The following SAMD12 variants were observed in gnomAD, a reference collection of about 807,000 sequenced individuals.
SAMD12 encodes the protein sterile alpha motif domain containing 12, also known as sterile alpha motif domain-containing protein 12.
In SAMD12, 9 loss-of-function variants were observed where a neutral mutation model predicts 15.0. The observed-to-expected ratio is 0.60, with a 90% CI of 0.36 to 1.05. SAMD12 has a LOEUF of 1.05. Among genes scored for constraint, SAMD12 ranks in the 50% least tolerant of loss-of-function variants. The pLI, the probability that SAMD12 is intolerant of heterozygous loss-of-function variation, is 0.01. For missense variants in SAMD12, 230 were observed against 234.2 expected, an observed-to-expected ratio of 0.98 and a Z score of 0.12; for synonymous variants, 86 against 90.1, an observed-to-expected ratio of 0.96 and a Z score of 0.25.
In SAMD12 at chr8:118,257,086, T is replaced by A. The variant is rs182451232; in HGVS notation, c.434-59354A>T. ...GTAGGCATACCAGACCCTGCAGGCA[T>A]CCAATTAGAAAAGACATTCAGAACC... On this transcript the variant is annotated intron_variant, in intron 4 of 4. Transcript: ENST00000409003. Among the ~76,000 whole-genome samples the A allele has an allele frequency of 5.9e-5, 9 of 152,172 alleles. No homozygotes were observed. The East Asian group carries it at 1.7e-3, about 29-fold the overall frequency.
intron 4 of SAMD12, among the ~76,000 whole-genome samples, chr8:118,272,813 AT>A (rs1217669558): frequency 4.6e-5 from 7 of 152,148 alleles, no homozygotes; most frequent in Non-Finnish European, 2.9e-5. Flanking sequence ...CATTGTCCAT[AT>A]CACTATTAGC....
intron 2 of SAMD12, among the ~76,000 whole-genome samples, chr8:118,509,387 G>A (rs1306690141): frequency 2.0e-5 from 3 of 152,124 alleles, no homozygotes; most frequent in Non-Finnish European, 4.4e-5. Flanking sequence ...AAACTGGGGC[G>A]GGCCTGACTG....
intron 2 of SAMD12, among the ~76,000 whole-genome samples, chr8:118,447,256 C>T (rs764461780): frequency 6.6e-6 from 1 of 152,062 alleles, no homozygotes; most frequent in Non-Finnish European, 1.5e-5. Flanking sequence ...ACTAATACAA[C>T]AAACAGGTCA....
At chr8:118,141,479 A>C in the SAMD12 span, among the ~76,000 whole-genome samples, 1 of 152,196 alleles carries the variant, frequency 6.6e-6, no homozygotes, top group African/African-American at 2.4e-5. Flanking sequence ...TTGCTGATAA[A>C]TAACAGAATC....
intron 4 of SAMD12, chr8:118,284,937 GT>G (rs1180104395): frequency 2.9e-5 from 3 of 104,486 alleles, no homozygotes; most frequent in Non-Finnish European, 5.3e-5. Context: ...GCAAGACTCC[GT>G]CTCAAAAAAA....
At chr8:118,212,905 G>A (rs553856354) in intron 4 of SAMD12, among the ~76,000 whole-genome samples, 1 of 152,242 alleles carries the variant, frequency 6.6e-6, no homozygotes, top group African/African-American at 2.4e-5. Flanking sequence ...TTGGATCTCA[G>A]ATGCAATGAA....
At chr8:118,399,872 A>C (rs781308943) in intron 3 of SAMD12, among the ~76,000 whole-genome samples, 5 of 152,180 alleles carry the variant, frequency 3.3e-5, no homozygotes, top group African/African-American at 4.8e-5. Context: ...TGGCTTCACT[A>C]TACCCTTTAG....
chr8:118,365,632 G>A (rs181724958), intron 4 of SAMD12, among the ~76,000 whole-genome samples: 8 of 151,972 alleles, frequency 5.3e-5, no homozygotes, highest in East Asian at 1.9e-4. Context: ...CGGTTCTTCC[G>A]CTTGTAGATG....
chr8:118,550,072 A>C (rs561458714), intron 2 of SAMD12, among the ~76,000 whole-genome samples: 3 of 152,224 alleles, frequency 2.0e-5, no homozygotes, highest in South Asian at 2.1e-4. Flanking sequence ...TGAAAGTGAC[A>C]GGGAGAATGG....
At chr8:118,137,042 CAG>C in the SAMD12 span, among the ~76,000 whole-genome samples, 1 of 152,168 alleles carries the variant, frequency 6.6e-6, no homozygotes, top group South Asian at 2.1e-4. Context: ...GCAACAAAAG[CAG>C]AGAGTCATTG....
the SAMD12 span, among the ~76,000 whole-genome samples, chr8:118,145,758 C>T: frequency 6.6e-6 from 1 of 152,176 alleles, no homozygotes; most frequent in African/African-American, 2.4e-5. Context: ...CCTCAGACTA[C>T]AATGCAGATC....
chr8:118,237,004 C>A (rs1812451109), intron 4 of SAMD12, among the ~76,000 whole-genome samples: 1 of 152,172 alleles, frequency 6.6e-6, no homozygotes, highest in Non-Finnish European at 1.5e-5. Context: ...TAATAGCAGC[C>A]AGTTCTTTGA....
rs776021549 is a variant in SAMD12, at chr8:118,379,264, T to C, written c.*153A>G. 8.8e-5 allele frequency: 126 copies of C among 1,434,200 alleles called. No individual in the cohort carries two copies. The highest frequency in any genetic ancestry group is 1.1e-4 in the Non-Finnish European group (121 of 1,096,728). 88.8% of individuals were successfully genotyped at this position (1,434,200 alleles called of 1,614,324 possible). A position where few individuals can be genotyped will look rare whatever the true frequency, so the allele number is the denominator to read the frequency against. On this transcript the variant is annotated 3_prime_UTR_variant, in exon 4 of 4. Coordinates refer to ENST00000314727, the MANE Select transcript of SAMD12 (RefSeq NM_207506.3). Reference sequence around the variant, plus strand: ...GCAATCGTACCCTGATTGATGTGACTGGTATTCTCTGGGGTTGTGCAGTAC... The same window carrying C: ...GCAATCGTACCCTGATTGATGTGACCGGTATTCTCTGGGGTTGTGCAGTAC...
chr8:118,487,984 A>G (rs1824335181), intron 2 of SAMD12, among the ~76,000 whole-genome samples: 1 of 152,232 alleles, frequency 6.6e-6, no homozygotes, highest in African/African-American at 2.4e-5. Flanking sequence ...TTCACTGTGC[A>G]GTACAACATA....
chr8:118,544,541 T>A (rs565053752), intron 2 of SAMD12, among the ~76,000 whole-genome samples: 3 of 152,120 alleles, frequency 2.0e-5, no homozygotes, highest in Admixed American at 2.0e-4. Flanking sequence ...AGTCAAAGAG[T>A]GTACACGGTT....
intron 2 of SAMD12, among the ~76,000 whole-genome samples, chr8:118,502,106 A>C (rs1461268128): frequency 6.6e-6 from 1 of 151,922 alleles, no homozygotes. Flanking sequence ...ACAAGCTTCC[A>C]AACTGCTGGT....
intron 2 of SAMD12, among the ~76,000 whole-genome samples, chr8:118,524,654 TAAAG>T (rs1825484303): frequency 6.6e-6 from 1 of 152,294 alleles, no homozygotes; most frequent in East Asian, 1.9e-4. Flanking sequence ...AAGAATGTCT[TAAAG>T]AGAGTTCCTG....
intron 2 of SAMD12, among the ~76,000 whole-genome samples, chr8:118,544,102 C>A (rs926569056): frequency 6.6e-6 from 1 of 152,090 alleles, no homozygotes; most frequent in Non-Finnish European, 1.5e-5. Flanking sequence ...ATGGTTTAGG[C>A]GAGTCCGTCG....
At chr8:118,614,794 G>A (rs1287551108) in intron 1 of SAMD12, among the ~76,000 whole-genome samples, 3 of 152,220 alleles carry the variant, frequency 2.0e-5, no homozygotes, top group Non-Finnish European at 4.4e-5. Context: ...CTTCACGCGG[G>A]AGGCAAGCTG....
Sources: gnomAD v4.1 joint callset for allele counts (sites outside exome capture counted in the v4.1 genomes callset) on GRCh38, gnomAD v4.1.1 for gene constraint, MANE v1.5 for transcripts, NCBI Gene and HGNC (gene_info 2026-07-23, HGNC 2026-07-21) for gene names.